MBP: variants seen among roughly 807,000 people sequenced by gnomAD.
MBP encodes the protein Golli-MBP.
MBP carries 16 observed loss-of-function variants against 35.8 expected under a neutral mutation model. The ratio of observed to expected loss-of-function variants is 0.45; its 90% confidence interval spans 0.30 to 0.68. The LOEUF (loss-of-function observed/expected upper bound fraction) is 0.68. MBP is among the 30% of genes least tolerant of loss of function. The pLI is 0.08. For synonymous variants in MBP, 143 were observed against 159.6 expected (o/e 0.90, Z 0.78); for missense variants, 380 against 404.7 (o/e 0.94, Z 0.52).
chr18:77,048,793 T>C (rs1244636396), intron 3 of MBP, among the ~76,000 whole-genome samples: 2 of 152,246 alleles, frequency 1.3e-5, no homozygotes, highest in Non-Finnish European at 2.9e-5. Context: ...ATCTCTATTT[T>C]ACAGATGGAA....
At chr18:77,129,311 C>T (rs1977162221) in intron 1 of MBP, among the ~76,000 whole-genome samples, 2 of 152,222 alleles carry the variant, frequency 1.3e-5, no homozygotes, top group African/African-American at 2.4e-5. Context: ...GAGTGTGAGA[C>T]ATTACTAATA....
intron 3 of MBP, among the ~76,000 whole-genome samples, chr18:77,033,484 G>A (rs1426353793): frequency 8.5e-5 from 13 of 152,068 alleles, no homozygotes. Context: ...CTATCAAAAT[G>A]TTTCTAAAAC....
At chr18:77,023,518 G>A (rs1406412712) in intron 3 of MBP, among the ~76,000 whole-genome samples, 4 of 152,040 alleles carry the variant, frequency 2.6e-5, no homozygotes, top group African/African-American at 4.8e-5. Flanking sequence ...GGATCCCTTC[G>A]TGGGTTCCAC....
At chr18:77,063,349 G>A (rs1974060872) in intron 3 of MBP, among the ~76,000 whole-genome samples, 1 of 152,178 alleles carries the variant, frequency 6.6e-6, no homozygotes, top group Non-Finnish European at 1.5e-5. Flanking sequence ...ACTTGGGATT[G>A]TTGCTGCTAA....
chr18:77,087,295 G>T (rs1235262033), intron 2 of MBP: 1 of 152,260 alleles, frequency 6.6e-6, no homozygotes, highest in African/African-American at 2.4e-5. Context: ...CACCTGGCGC[G>T]GCCAGGTCTC....
intron 3 of MBP, among the ~76,000 whole-genome samples, chr18:77,051,290 TCA>T (rs1491381596): frequency 3.9e-5 from 6 of 152,234 alleles, no homozygotes; most frequent in African/African-American, 1.4e-4. Flanking sequence ...TTCTTACCTT[TCA>T]CTTGCGGGCG....
intron 1 of MBP, among the ~76,000 whole-genome samples, chr18:77,111,327 C>G (rs1976443443): frequency 3.3e-5 from 5 of 152,246 alleles, no homozygotes; most frequent in Admixed American, 3.3e-4. Flanking sequence ...AAAGGCTTCT[C>G]TGACCCCTCA....
At chr18:77,125,722 G>A (rs1386885390) in intron 1 of MBP, among the ~76,000 whole-genome samples, 1 of 152,094 alleles carries the variant, frequency 6.6e-6, no homozygotes, top group East Asian at 1.9e-4. Flanking sequence ...CCCTACTCAT[G>A]GGGAATTAGT....
intron 4 of MBP, among the ~76,000 whole-genome samples, chr18:76,992,957 T>C (rs1970032779): frequency 6.6e-6 from 1 of 152,194 alleles, no homozygotes; most frequent in African/African-American, 2.4e-5. Flanking sequence ...CACAAGGCCC[T>C]TCCTTCTCCC....
rs1321430229 is a variant in MBP, at chr18:76,988,960, C to T, written c.682-48G>A. Reference sequence around the variant, plus strand: ...GGGCTGCACTGGGAGCCCTGTGCCGCCGTCCATTTCCTAACGGGCTCCTGC... The same window carrying T: ...GGGCTGCACTGGGAGCCCTGTGCCGTCGTCCATTTCCTAACGGGCTCCTGC... On this transcript the variant is annotated intron_variant, in intron 5 of 8. Coordinates refer to ENST00000355994, the MANE Select transcript of MBP (RefSeq NM_001025101.2). This position sits in a 1 kb window ranked among gnomAD's most constrained non-coding sequence, Gnocchi z 5.2. The T allele has an allele frequency of 6.3e-7, 1 of 1,590,320 alleles. No homozygotes were observed.
intron 2 of MBP, among the ~76,000 whole-genome samples, chr18:77,082,605 T>C (rs1000117395): frequency 6.6e-6 from 1 of 151,906 alleles, no homozygotes; most frequent in Non-Finnish European, 1.5e-5. Context: ...GCGCACCCAA[T>C]AGCCAGGACC....
At chr18:77,092,246 CAG>C in intron 2 of MBP, among the ~76,000 whole-genome samples, 1 of 152,382 alleles carries the variant, frequency 6.6e-6, no homozygotes, top group East Asian at 1.9e-4. Flanking sequence ...CAGCGCTGAG[CAG>C]ACTGGTGACT....
At chr18:77,111,989 C>A (rs941434098) in intron 1 of MBP, among the ~76,000 whole-genome samples, 3 of 152,146 alleles carry the variant, frequency 2.0e-5, no homozygotes, top group Non-Finnish European at 4.4e-5. Context: ...TCTCCCCCGA[C>A]GTCCCTCCCT....
At chr18:77,093,795 A>G (rs1975640560) in intron 2 of MBP, among the ~76,000 whole-genome samples, 1 of 152,230 alleles carries the variant, frequency 6.6e-6, no homozygotes, top group Non-Finnish European at 1.5e-5. Flanking sequence ...CCCGCCCAGC[A>G]GCCTGAAAGC....
chr18:77,068,287 C>T (rs912578190), intron 2 of MBP, among the ~76,000 whole-genome samples: 6 of 152,138 alleles, frequency 3.9e-5, no homozygotes, highest in African/African-American at 9.7e-5. Context: ...GCCCAGCAGA[C>T]GCCCCCGTAT....
chr18:76,999,255 G>A (rs563322388), intron 4 of MBP, among the ~76,000 whole-genome samples: 3 of 152,200 alleles, frequency 2.0e-5, no homozygotes, highest in African/African-American at 4.8e-5. Context: ...ACGCTGAAGC[G>A]GGTGGCGCAC....
At chr18:77,130,802 G>C (rs1977218006) in intron 1 of MBP, among the ~76,000 whole-genome samples, 1 of 151,712 alleles carries the variant, frequency 6.6e-6, no homozygotes, top group Non-Finnish European at 1.5e-5. Flanking sequence ...GGAGCCATGA[G>C]CTACCAGGTG....
intron 2 of MBP, among the ~76,000 whole-genome samples, chr18:77,075,181 C>G (rs1339283181): frequency 2.0e-5 from 3 of 152,214 alleles, no homozygotes; most frequent in African/African-American, 7.2e-5. Flanking sequence ...TGTCTGGAAG[C>G]TTCTCCCAGG....
rs1977290930 is a variant in MBP, at chr18:77,131,975, G to A, written c.-26+605C>T. Among the ~76,000 whole-genome samples the A allele has an allele frequency of 6.6e-6, 1 of 152,160 alleles. No individual in the cohort carries two copies. The highest frequency in any genetic ancestry group is 1.5e-5 in the Non-Finnish European group (1 of 68,000). On this transcript the variant is annotated intron_variant, in intron 1 of 8. Coordinates refer to ENST00000355994, the MANE Select transcript of MBP (RefSeq NM_001025101.2). This position sits in a 1 kb window ranked among gnomAD's most constrained non-coding sequence, Gnocchi z 5.5. Reference sequence around the variant, plus strand: ...TCCTGGCCGCCCCTGGAGCTCAGAGGGAGACTGCGCTTCGCCCCGGGGGCA... The same window carrying A: ...TCCTGGCCGCCCCTGGAGCTCAGAGAGAGACTGCGCTTCGCCCCGGGGGCA...
Sources: gnomAD v4.1 joint callset for allele counts (sites outside exome capture counted in the v4.1 genomes callset) on GRCh38, gnomAD v4.1.1 for gene constraint, Gnocchi (gnomAD v3.1) non-coding constraint, MANE v1.5 for transcripts, NCBI Gene and HGNC (gene_info 2026-07-23, HGNC 2026-07-21) for gene names.